Variants in LMBRD1 observed in about 807,000 individuals in gnomAD.
LMBRD1 encodes the protein LMBR1 domain containing 1, also known as lysosomal cobalamin transport escort protein LMBD1.
In LMBRD1, 64 loss-of-function variants were observed where a neutral mutation model predicts 74.8. The ratio of observed to expected loss-of-function variants is 0.86; its 90% CI spans 0.70 to 1.05. The LOEUF is 1.05. Among genes scored for constraint, LMBRD1 ranks in the 50% least tolerant of loss-of-function variants. The pLI, the probability that LMBRD1 is intolerant of heterozygous loss-of-function variation, is 0.00. For missense variants in LMBRD1, 652 were observed against 645.9 expected (o/e 1.01, Z -0.10); for synonymous variants, 204 against 216.3 (o/e 0.94, Z 0.50).
chr6:69,720,078 T>C lies in LMBRD1; in HGVS notation c.637-997A>G, dbSNP rs535766445. Among the ~76,000 whole-genome samples, 99 of 152,332 alleles carry C rather than the reference T, an allele frequency of 6.5e-4. 3 individuals are homozygous for C. In the South Asian group the frequency reaches 0.02, roughly 31 times the overall value. On this transcript the variant is annotated intron_variant, in intron 7 of 15. Transcript: ENST00000649934. Reference sequence around the variant, plus strand: ...TTAGTGTTAATTTTAATTAGTTTAATATTCTAATATTCTTCACTAAATCTC... The same window carrying C: ...TTAGTGTTAATTTTAATTAGTTTAACATTCTAATATTCTTCACTAAATCTC...
intron 13 of LMBRD1, among the ~76,000 whole-genome samples, chr6:69,698,455 G>GA (rs1159743707): frequency 2.6e-5 from 4 of 151,740 alleles, no homozygotes; most frequent in Non-Finnish European, 5.9e-5. Flanking sequence ...TTTAAAAACG[G>GA]AAAAAAACTA....
intron 3 of LMBRD1, among the ~76,000 whole-genome samples, chr6:69,779,313 A>G (rs1172894185): frequency 6.6e-6 from 1 of 152,196 alleles, no homozygotes; most frequent in Non-Finnish European, 1.5e-5. Context: ...TATTGCTGAA[A>G]AAAATGACAT....
intron 1 of LMBRD1, among the ~76,000 whole-genome samples, chr6:69,790,911 G>A (rs1766067861): frequency 6.6e-6 from 1 of 152,194 alleles, no homozygotes; most frequent in South Asian, 2.1e-4. Context: ...TGTTCTGACA[G>A]TTCAAGAATA....
intron 14 of LMBRD1, among the ~76,000 whole-genome samples, chr6:69,680,033 T>C (rs1193973374): frequency 2.6e-5 from 4 of 152,136 alleles, no homozygotes; most frequent in Non-Finnish European, 5.9e-5. Flanking sequence ...TGCATGCCCA[T>C]TATTTTTCTG....
At chr6:69,697,729 C>G in intron 13 of LMBRD1, 88 bp from the exon 14 acceptor site, 25 of 745,590 alleles carry the variant, frequency 3.4e-5, no homozygotes, top group Non-Finnish European at 5.1e-5. Flanking sequence ...ACTGTATACT[C>G]TGTATACTAA....
In LMBRD1 at chr6:69,691,149, C is replaced by CTT. The variant is rs55678819; in HGVS notation, c.1417+6412_1417+6413dup. Among the ~76,000 whole-genome samples, 458 of 142,984 alleles carry CTT rather than the reference C, an allele frequency of 3.2e-3. 2 individuals carry two copies. The highest frequency in any genetic ancestry group is 7.2e-3 in the Middle Eastern group (2 of 278). 93.8% of individuals were successfully genotyped at this position (142,984 alleles called of 152,430 possible). ...AAAAGCAGCAACGGCCTCTCTCTCT[C>CTT]TTTTTTTTTTTAACAATTTAAAGGA... On this transcript the variant is annotated intron_variant, in intron 14 of 15. Coordinates refer to ENST00000649934, the MANE Select transcript of LMBRD1 (RefSeq NM_018368.4).
chr6:69,756,135 C>A (rs1321128700), intron 3 of LMBRD1, among the ~76,000 whole-genome samples: 1 of 152,028 alleles, frequency 6.6e-6, no homozygotes, highest in African/African-American at 2.4e-5. Context: ...CCGAGGCAGG[C>A]AGATCACCTG....
Position 69,713,730 on chromosome 6 carries a change from C to G in LMBRD1, c.830G>C (p.Arg277Pro). Residue 277 changes from arginine to proline, a missense_variant, in exon 9 of 16, where the codon CGA (arginine) becomes CCA (proline). By Grantham distance (103) the Arg-to-Pro change is moderately radical. Transcript: ENST00000649934. ...RALKQFEERL[R>P]TLKKRERHLE... ...ATGCCTCTCTCTCTTCTTAAGTGTT[C>G]GTAACCTTTCTTCAAATTGTTTTAA... is the stretch of plus-strand genomic sequence containing the variant. 1 of 1,613,664 alleles carries G rather than the reference C, an allele frequency of 6.2e-7. No homozygotes were observed. Among genetic ancestry groups the G allele is most frequent in the Non-Finnish European group, 8.5e-7 (1 of 1,179,712 alleles).
At chr6:69,697,072 G>A (rs930413181) in intron 14 of LMBRD1, among the ~76,000 whole-genome samples, 2 of 149,712 alleles carry the variant, frequency 1.3e-5, no homozygotes, top group Non-Finnish European at 3.0e-5. Flanking sequence ...TAAGAGCACA[G>A]AATTTTTGTC....
intron 7 of LMBRD1, among the ~76,000 whole-genome samples, chr6:69,737,314 CA>C (rs1480931124): frequency 2.6e-5 from 4 of 151,944 alleles, no homozygotes; most frequent in Admixed American, 6.6e-5. Flanking sequence ...ACAATGTGAG[CA>C]AAAGACTCAA....
intron 9 of LMBRD1, among the ~76,000 whole-genome samples, chr6:69,704,202 T>C (rs1274079933): frequency 6.6e-6 from 1 of 152,116 alleles, no homozygotes; most frequent in East Asian, 1.9e-4. Context: ...TGTGGTGAGA[T>C]ACTTTCAGAA....
chr6:69,737,952 A>G lies in LMBRD1; in HGVS notation c.626T>C (p.Ile209Thr). ...SLTLIGMLAAITYTAYGMSAL... is the reference protein window; with the variant it reads ...SLTLIGMLAATTYTAYGMSAL... Reference sequence around the variant, plus strand: ...CCCCATTTCACTTACTGTGTAAGTTATAGCTGCCAACATTCCAATCAAGGT... The same window carrying G: ...CCCCATTTCACTTACTGTGTAAGTTGTAGCTGCCAACATTCCAATCAAGGT... Residue 209 changes from isoleucine (I) to threonine (T), a missense_variant, in exon 7 of 16, where the codon ATA becomes ACA. Transcript: ENST00000649934. 6.2e-7 allele frequency: 1 copy of G among 1,609,966 alleles called. No individual in the cohort carries two copies. Among genetic ancestry groups the G allele is most frequent in the South Asian group, 1.1e-5 (1 of 90,678 alleles).
intron 1 of LMBRD1, among the ~76,000 whole-genome samples, chr6:69,791,608 C>T (rs1483855548): frequency 6.6e-6 from 1 of 152,194 alleles, no homozygotes; most frequent in Non-Finnish European, 1.5e-5. Context: ...ACTTTTTCAA[C>T]AGCGGTTACT....
intron 2 of LMBRD1, among the ~76,000 whole-genome samples, chr6:69,789,952 G>A (rs1455233581): frequency 6.6e-6 from 1 of 152,204 alleles, no homozygotes; most frequent in Admixed American, 6.5e-5. Flanking sequence ...AATATGAAAC[G>A]GAGATTAGGA....
chr6:69,697,470 T>C (rs1306444699), intron 14 of LMBRD1, 93 bp downstream of exon 14: 11 of 864,494 alleles, frequency 1.3e-5, no homozygotes, highest in Non-Finnish European at 2.2e-5. Flanking sequence ...TCTTACCACG[T>C]AGTAAAACAA....
chr6:69,705,665 A>G (rs1422081133), intron 9 of LMBRD1: 6 of 877,354 alleles, frequency 6.8e-6, no homozygotes, highest in Middle Eastern at 3.0e-4. Flanking sequence ...CATTATCATC[A>G]TCATCATCAT....
chr6:69,703,765 A>G (rs17504196), intron 9 of LMBRD1, among the ~76,000 whole-genome samples: 7,500 of 152,174 alleles, frequency 0.049, 228 homozygotes, highest in Middle Eastern at 0.071. Context: ...CATCAATAAA[A>G]ATGGAATAAG....
At chr6:69,695,172 T>C (rs572842891) in intron 14 of LMBRD1, among the ~76,000 whole-genome samples, 2 of 131,172 alleles carry the variant, frequency 1.5e-5, no homozygotes, top group East Asian at 2.7e-4. Flanking sequence ...CTATCATTCA[T>C]CCTTTCTGAC....
rs113686067 is a variant in LMBRD1, at chr6:69,729,344, G to C, written c.636+8598C>G. Among the ~76,000 whole-genome samples, 1,033 of 150,818 alleles carry C rather than the reference G, an allele frequency of 6.8e-3. 15 individuals carry two copies. The highest frequency in any genetic ancestry group is 0.021 in the African/African-American group (865 of 40,990). On this transcript the variant is annotated intron_variant, in intron 7 of 15. Transcript: ENST00000649934. ...GCTTATAACTCAATTATAACGCATA[G>C]GTATATTAACATTATTCATCTGCAC... is the stretch of plus-strand genomic sequence containing the variant.
Sources: gnomAD v4.1 joint callset for allele counts (sites outside exome capture counted in the v4.1 genomes callset) on GRCh38, gnomAD v4.1.1 for gene constraint, MANE v1.5 for transcripts, NCBI Gene and HGNC (gene_info 2026-07-23, HGNC 2026-07-21) for gene names.